ERC2: variants seen among roughly 807,000 people sequenced by gnomAD.
ERC2 encodes ELKS/RAB6-interacting/CAST family member 2, also known as ERC protein 2.
A neutral mutation model predicts 114.8 loss-of-function variants in ERC2; 42 were observed. The observed-to-expected ratio is 0.37, with a 90% CI of 0.29 to 0.47. ERC2 has a LOEUF of 0.47. Ranked by LOEUF, ERC2 falls within the 20% of genes least tolerant of loss-of-function variation. The probability of loss-of-function intolerance (pLI) is 0.99; values close to 1 mark genes in which losing one functional copy is unlikely to be tolerated. For synonymous variants in ERC2, 454 were observed against 425.5 expected (o/e 1.07, Z -0.82); for missense variants, 939 against 1,150.7 (o/e 0.82, Z 2.66).
chr3:55,772,203 T>C (rs1248290173), intron 14 of ERC2, among the ~76,000 whole-genome samples: 2 of 152,164 alleles, frequency 1.3e-5, no homozygotes, highest in Non-Finnish European at 2.9e-5. Context: ...AGTGCAGTGG[T>C]GTGATCTTGG....
chr3:56,178,376 C>T (rs1044894560), intron 3 of ERC2, among the ~76,000 whole-genome samples: 2 of 152,144 alleles, frequency 1.3e-5, no homozygotes, highest in Non-Finnish European at 2.9e-5. Flanking sequence ...CAGACCACCA[C>T]CATTGTATTA....
chr3:56,140,575 T>G (rs539531155), intron 5 of ERC2, among the ~76,000 whole-genome samples: 1 of 152,318 alleles, frequency 6.6e-6, no homozygotes, highest in East Asian at 1.9e-4. Flanking sequence ...ACTCTGCTGT[T>G]GATAGAAATT....
At chr3:55,712,433 C>A (rs976015724) in intron 15 of ERC2, among the ~76,000 whole-genome samples, 4 of 152,116 alleles carry the variant, frequency 2.6e-5, no homozygotes, top group Non-Finnish European at 4.4e-5. Flanking sequence ...CAGAGTTGGC[C>A]TCTGTTGAAC....
intron 13 of ERC2, among the ~76,000 whole-genome samples, chr3:55,902,384 C>T (rs1035426717): frequency 5.9e-5 from 9 of 152,176 alleles, no homozygotes; most frequent in African/African-American, 1.4e-4. Context: ...CTCCTCTCGG[C>T]GATTACTGCG....
chr3:56,357,035 A>G (rs757219130), intron 2 of ERC2, among the ~76,000 whole-genome samples: 1 of 152,220 alleles, frequency 6.6e-6, no homozygotes, highest in Admixed American at 6.5e-5. Flanking sequence ...ACAAGCAGAT[A>G]GTAAATATTT....
At chr3:56,125,852 G>T (rs927645351) in intron 6 of ERC2, among the ~76,000 whole-genome samples, 1 of 152,226 alleles carries the variant, frequency 6.6e-6, no homozygotes, top group African/African-American at 2.4e-5. Flanking sequence ...CCCAAGGTAG[G>T]TGGGAGACTT....
At chr3:55,631,098 A>AT (rs2059738799) in intron 17 of ERC2, among the ~76,000 whole-genome samples, 1 of 152,260 alleles carries the variant, frequency 6.6e-6, no homozygotes, top group Admixed American at 6.5e-5. Context: ...TGATTGTCTC[A>AT]TGGTGGTTTA....
chr3:55,932,818 C>T (rs1344198758), intron 13 of ERC2, among the ~76,000 whole-genome samples: 1 of 152,100 alleles, frequency 6.6e-6, no homozygotes, highest in African/African-American at 2.4e-5. Context: ...GGCAAACTAT[C>T]TTGAGATACT....
At chr3:56,289,233 C>T (rs2054922548) in intron 3 of ERC2, among the ~76,000 whole-genome samples, 1 of 152,144 alleles carries the variant, frequency 6.6e-6, no homozygotes, top group African/African-American at 2.4e-5. Flanking sequence ...TCTCTTCCTC[C>T]TCAAATCTCC....
At chr3:55,684,193 C>T (rs2148779471) in intron 16 of ERC2, among the ~76,000 whole-genome samples, 1 of 152,248 alleles carries the variant, frequency 6.6e-6, no homozygotes, top group Non-Finnish European at 1.5e-5. Flanking sequence ...ATCTGAATTG[C>T]ATATGCCTAA....
At chr3:56,290,456 G>T (rs999436237) in intron 3 of ERC2, among the ~76,000 whole-genome samples, 4 of 152,194 alleles carry the variant, frequency 2.6e-5, no homozygotes, top group African/African-American at 9.6e-5. Flanking sequence ...CCTTGTAAAA[G>T]ATCGTGTATA....
chr3:56,005,816 TA>T (rs1346430707), intron 10 of ERC2, among the ~76,000 whole-genome samples: 1 of 152,068 alleles, frequency 6.6e-6, no homozygotes, highest in Non-Finnish European at 1.5e-5. Flanking sequence ...TTTTATTAAA[TA>T]AAAAATATTC....
At chr3:55,974,706 A>G (rs1189735562) in intron 12 of ERC2, among the ~76,000 whole-genome samples, 1 of 152,122 alleles carries the variant, frequency 6.6e-6, no homozygotes, top group East Asian at 1.9e-4. Flanking sequence ...TCTCCAGTCT[A>G]CGAAGCCACT....
intron 17 of ERC2, among the ~76,000 whole-genome samples, chr3:55,674,240 G>T (rs953412234): frequency 1.3e-5 from 2 of 152,142 alleles, no homozygotes; most frequent in Non-Finnish European, 2.9e-5. Context: ...CCATCAGGTG[G>T]GAGTGGTGGA....
intron 13 of ERC2, among the ~76,000 whole-genome samples, chr3:55,923,705 T>C (rs1478394390): frequency 6.6e-6 from 1 of 152,106 alleles, no homozygotes; most frequent in East Asian, 1.9e-4. Flanking sequence ...AGAGTCTAGA[T>C]TGTGGTAGAC....
intron 3 of ERC2, among the ~76,000 whole-genome samples, chr3:56,275,084 T>A (rs77176812): frequency 0.013 from 1,995 of 152,242 alleles, 38 homozygotes; most frequent in African/African-American, 0.044. Flanking sequence ...CCAGTAAGAG[T>A]TCACAAGGCC....
chr3:55,837,660 G>T (rs1180568910), intron 14 of ERC2, among the ~76,000 whole-genome samples: 1 of 151,458 alleles, frequency 6.6e-6, no homozygotes. Flanking sequence ...TCTAAATGAC[G>T]AGTTAATGGG....
At chr3:55,661,134 T>C (rs781026967) in intron 17 of ERC2, among the ~76,000 whole-genome samples, 10 of 152,184 alleles carry the variant, frequency 6.6e-5, no homozygotes, top group Non-Finnish European at 1.2e-4. Context: ...ACCACACACT[T>C]AGTGACTTTA....
chr3:56,188,854 A>G (rs1249681082), intron 3 of ERC2, among the ~76,000 whole-genome samples: 1 of 152,176 alleles, frequency 6.6e-6, no homozygotes, highest in African/African-American at 2.4e-5. Flanking sequence ...TTCTCTCCTT[A>G]TAAATGTTAA....
Sources: gnomAD v4.1 joint callset for allele counts (sites outside exome capture counted in the v4.1 genomes callset) on GRCh38, gnomAD v4.1.1 for gene constraint, MANE v1.5 for transcripts, NCBI Gene and HGNC (gene_info 2026-07-23, HGNC 2026-07-21) for gene names.